CCDC33: variants seen among roughly 807,000 people sequenced by gnomAD.
The protein encoded by CCDC33 is coiled-coil domain-containing protein 33.
CCDC33 carries 94 observed loss-of-function variants against 91.9 expected under a neutral mutation model. The ratio of observed to expected loss-of-function variants is 1.02; its 90% confidence interval spans 0.87 to 1.21. The LOEUF (loss-of-function observed/expected upper bound fraction) is 1.21, where lower values mean the gene tolerates loss of function less well. Among genes scored for constraint, CCDC33 ranks in the 50% most tolerant of loss-of-function variants. CCDC33 has a pLI of 0.00. For missense variants in CCDC33, 940 were observed against 935.5 expected, an observed-to-expected ratio of 1.00 and a Z score of -0.06; for synonymous variants, 396 against 374.5, an observed-to-expected ratio of 1.06 and a Z score of -0.66.
intron 10 of CCDC33, among the ~76,000 whole-genome samples, chr15:74,289,529 C>T (rs1003435025): frequency 1.3e-5 from 2 of 152,220 alleles, no homozygotes; most frequent in Non-Finnish European, 1.5e-5. Flanking sequence ...GCCCGGGCAA[C>T]ATGGCAAAAC....
At chr15:74,249,952 C>T (rs773341323) in intron 2 of CCDC33, among the ~76,000 whole-genome samples, 2 of 152,180 alleles carry the variant, frequency 1.3e-5, no homozygotes, top group African/African-American at 4.8e-5. Flanking sequence ...CTCTTGATCT[C>T]GTCTACCTGA....
chr15:74,246,280 A>G (rs1595933138), intron 2 of CCDC33, among the ~76,000 whole-genome samples: 1 of 152,242 alleles, frequency 6.6e-6, no homozygotes, highest in Non-Finnish European at 1.5e-5. Flanking sequence ...ATCTTCGGAT[A>G]TGACACCGGA....
chr15:74,321,984 G>C (rs1412386869), intron 11 of CCDC33, among the ~76,000 whole-genome samples: 1 of 152,152 alleles, frequency 6.6e-6, no homozygotes, highest in Non-Finnish European at 1.5e-5. Context: ...GGTAGGGAAG[G>C]CTTTGAAGAT....
At chr15:74,315,396 G>A (rs2060070789) in intron 11 of CCDC33, among the ~76,000 whole-genome samples, 1 of 152,288 alleles carries the variant, frequency 6.6e-6, no homozygotes, top group East Asian at 1.9e-4. Flanking sequence ...CAGCCCCAGG[G>A]TCCGGAGTGG....
Position 74,331,256 on chromosome 15 carries a change from G to A in CCDC33, c.1731G>A (p.Lys577=), listed in dbSNP as rs547531795. The A allele has an allele frequency of 1.1e-5, 17 of 1,614,152 alleles. No homozygotes were observed. In the African/African-American group the frequency reaches 1.3e-4, roughly 13 times the overall value. Residue 577 remains lysine (K), a synonymous_variant, in exon 15 of 19, where the codon AAG becomes AAA. Transcript: ENST00000398814. Reference sequence around the variant, plus strand: ...AGGACAGGCTGCAGGACAGGAGCAAGCCCCCTCCTCTGAACAGGCAGCAGG... The same window carrying A: ...AGGACAGGCTGCAGGACAGGAGCAAACCCCCTCCTCTGAACAGGCAGCAGG... The part of the protein sequence containing the change: ...VLEDRLQDRS[K]PPPLNRQQGK...
chr15:74,205,007 G>A (rs1252537021), intron 1 of CCDC33, among the ~76,000 whole-genome samples: 1 of 152,184 alleles, frequency 6.6e-6, no homozygotes, highest in Non-Finnish European at 1.5e-5. Context: ...CCTTCCCCAG[G>A]CTGGTTTGGC....
Position 74,223,061 on chromosome 15 carries a change from C to T in CCDC33, c.675+4200C>T, listed in dbSNP as rs561350074. Among the ~76,000 whole-genome samples the T allele has an allele frequency of 1.2e-4, 18 of 152,160 alleles. No homozygotes were observed. The East Asian group carries it at 3.5e-3, about 30-fold the overall frequency. On this transcript the variant is annotated intron_variant, in intron 2 of 2. Transcript: ENST00000635913. Reference sequence around the variant, plus strand: ...TTCATTAACTTTACTCTTTACTGCCCGTTTAATCTCAGGGGTGCAGCACGG... The same window carrying T: ...TTCATTAACTTTACTCTTTACTGCCTGTTTAATCTCAGGGGTGCAGCACGG...
chr15:74,261,077 T>C (rs1428149531), intron 2 of CCDC33, among the ~76,000 whole-genome samples: 2 of 152,114 alleles, frequency 1.3e-5, no homozygotes, highest in Non-Finnish European at 1.5e-5. Flanking sequence ...AGAGCTGGGA[T>C]TTGGAACCCA....
chr15:74,244,131 GT>G lies in CCDC33; in HGVS notation c.169del (p.Trp57GlyfsTer6), dbSNP rs747958252. ...LPACKDGSEP[W>X]PYVVVKSTSE... Reference sequence around the variant, plus strand: ...CTGCCTGCAAGGATGGCTCCGAGCCGTGGCCCTATGTGGTGGTGTAAGTAGC... The same window carrying G: ...CTGCCTGCAAGGATGGCTCCGAGCCGGGCCCTATGTGGTGGTGTAAGTAGC... On this transcript the variant is annotated frameshift_variant, in exon 2 of 19. Transcript: ENST00000398814. LOFTEE classifies it high-confidence loss of function. The surrounding 1 kb of genome is among the most constrained non-coding windows in gnomAD (Gnocchi z 4.2). 1 of 1,612,076 alleles carries G rather than the reference GT, an allele frequency of 6.2e-7. No homozygotes were observed. Among genetic ancestry groups the G allele is most frequent in the Non-Finnish European group, 8.5e-7 (1 of 1,178,866 alleles).
chr15:74,274,901 G>T (rs1311140346), intron 7 of CCDC33, among the ~76,000 whole-genome samples: 1 of 152,258 alleles, frequency 6.6e-6, no homozygotes, highest in Admixed American at 6.5e-5. Context: ...GCTGGGCCAG[G>T]TTGGGAATTT....
chr15:74,222,571 T>G (rs1255986305), intron 2 of CCDC33, among the ~76,000 whole-genome samples: 4 of 151,840 alleles, frequency 2.6e-5, no homozygotes, highest in Non-Finnish European at 5.9e-5. Flanking sequence ...AAACACCTTT[T>G]TTTCCCCCAA....
At chr15:74,255,652 A>G (rs538723722) in intron 2 of CCDC33, among the ~76,000 whole-genome samples, 1 of 152,340 alleles carries the variant, frequency 6.6e-6, no homozygotes, top group South Asian at 2.1e-4. Context: ...CAGTGTGGCT[A>G]ACAAAACCAG....
At chr15:74,247,490 A>G (rs2075575354) in intron 2 of CCDC33, among the ~76,000 whole-genome samples, 1 of 152,198 alleles carries the variant, frequency 6.6e-6, no homozygotes, top group South Asian at 2.1e-4. Context: ...CAACATATAC[A>G]CAATGTAATA....
chr15:74,287,157 TC>T (rs1253704786), intron 10 of CCDC33, among the ~76,000 whole-genome samples: 1 of 151,988 alleles, frequency 6.6e-6, no homozygotes, highest in African/African-American at 2.4e-5. Flanking sequence ...CAAACCTCCC[TC>T]CATTTCTTCC....
At chr15:74,310,603 G>T (rs1008681130) in intron 11 of CCDC33, among the ~76,000 whole-genome samples, 6 of 152,182 alleles carry the variant, frequency 3.9e-5, no homozygotes, top group Admixed American at 1.3e-4. Context: ...TGGTCAGGGG[G>T]CATCCTGAGA....
At chr15:74,301,167 A>G (rs976367956) in intron 11 of CCDC33, 2 of 152,296 alleles carry the variant, frequency 1.3e-5, no homozygotes, top group Admixed American at 6.5e-5. Context: ...GCCTGCAAGC[A>G]TCTGCCCTCC....
At chr15:74,252,068 T>C (rs1278738376) in intron 2 of CCDC33, among the ~76,000 whole-genome samples, 1 of 152,168 alleles carries the variant, frequency 6.6e-6, no homozygotes, top group Non-Finnish European at 1.5e-5. Flanking sequence ...GTCACAGAAC[T>C]AGTTAGTACC....
Position 74,207,895 on chromosome 15 carries a change from G to A in CCDC33, n.90-1493G>A, listed in dbSNP as rs947591544. ...ACACAGTGGGCTGGAAGGCAGTGTCGTCGGCTGCCGTGCTCACGGCAGGAA... is the reference window on the plus strand; with the variant it reads ...ACACAGTGGGCTGGAAGGCAGTGTCATCGGCTGCCGTGCTCACGGCAGGAA... On this transcript the variant is annotated intron_variant and non_coding_transcript_variant, in intron 1 of 3. Transcript: ENST00000558645. The A allele has an allele frequency of 6.0e-6, 9 of 1,493,410 alleles. No individual in the cohort carries two copies. In the Admixed American group the frequency reaches 6.1e-5, roughly 10 times the overall value. 92.5% of individuals were successfully genotyped at this position (1,493,410 alleles called of 1,614,324 possible).
At position 74,295,759 on chromosome 15, in the gene CCDC33, A is replaced by G. The variant is rs1369508920; in HGVS notation, c.1101A>G (p.Pro367=). 1.2e-6 allele frequency: 2 copies of G among 1,611,972 alleles called. No homozygotes were observed. Among genetic ancestry groups the G allele is most frequent in the Non-Finnish European group, 1.7e-6 (2 of 1,179,236 alleles). The change falls in exon 11 of 19, where the codon CCA becomes CCG. Residue 367 remains proline, a synonymous_variant. Transcript: ENST00000398814. ...TCTGCACCTTCTCTTCTCAGAGACC[A>G]GAAAACTTCTTGACACCAAACAACA... ...LSFQLLSSER[P]ENFLTPNNSK... is the part of the protein sequence containing the mutation.
Sources: gnomAD v4.1 joint callset for allele counts (sites outside exome capture counted in the v4.1 genomes callset) on GRCh38, gnomAD v4.1.1 for gene constraint, Gnocchi (gnomAD v3.1) non-coding constraint, MANE v1.5 for transcripts, NCBI Gene and HGNC (gene_info 2026-07-23, HGNC 2026-07-21) for gene names.